The following SHC3 variants were observed in gnomAD, a reference collection of about 807,000 sequenced individuals.
SHC3 encodes SHC adaptor protein 3.
A neutral mutation model predicts 60.4 loss-of-function variants in SHC3; 15 were observed. That is an observed-to-expected ratio of 0.25 (90% CI 0.17 to 0.38). The LOEUF is 0.38. Among genes scored for constraint, SHC3 ranks in the 10% least tolerant of loss-of-function variants. The pLI is 1.00. For synonymous variants in SHC3, 294 were observed against 325.9 expected (o/e 0.90, Z 1.05); for missense variants, 677 against 786.1 (o/e 0.86, Z 1.66).
intron 2 of SHC3, among the ~76,000 whole-genome samples, chr9:89,092,791 T>A (rs145892888): frequency 6.6e-5 from 10 of 152,020 alleles, no homozygotes; most frequent in African/African-American, 1.9e-4. Context: ...CCAAAAAATC[T>A]GGAAAGCTAT....
At chr9:89,156,985 C>T (rs1826632231) in intron 1 of SHC3, among the ~76,000 whole-genome samples, 1 of 152,048 alleles carries the variant, frequency 6.6e-6, no homozygotes, top group Non-Finnish European at 1.5e-5. Context: ...TATGACCTTG[C>T]CTATAACTTA....
chr9:89,123,847 G>A (rs565946065), intron 1 of SHC3, among the ~76,000 whole-genome samples: 1 of 152,208 alleles, frequency 6.6e-6, no homozygotes, highest in East Asian at 1.9e-4. Flanking sequence ...TTTCCAAGAA[G>A]GGCCCATAAA....
chr9:89,056,118 C>T (rs1198385096), intron 6 of SHC3, among the ~76,000 whole-genome samples: 1 of 152,174 alleles, frequency 6.6e-6, no homozygotes, highest in African/African-American at 2.4e-5. Context: ...ATTTCTTAAT[C>T]ATCTTGAATG....
chr9:89,078,992 A>T (rs1587714707), intron 2 of SHC3, among the ~76,000 whole-genome samples: 2 of 152,354 alleles, frequency 1.3e-5, no homozygotes, highest in Middle Eastern at 6.8e-3. Flanking sequence ...TTGAAGAGAA[A>T]TATGTCCATA....
intron 2 of SHC3, among the ~76,000 whole-genome samples, chr9:89,107,988 T>C (rs1825888506): frequency 6.6e-6 from 1 of 152,210 alleles, no homozygotes; most frequent in African/African-American, 2.4e-5. Flanking sequence ...AGTATAATAG[T>C]GTATTTTCAC....
intron 1 of SHC3, among the ~76,000 whole-genome samples, chr9:89,150,257 AGAG>A (rs1466369453): frequency 2.6e-5 from 4 of 152,190 alleles, no homozygotes; most frequent in Non-Finnish European, 5.9e-5. Flanking sequence ...ACCAGGGATA[AGAG>A]GAGATTATTG....
intron 2 of SHC3, among the ~76,000 whole-genome samples, chr9:89,096,347 C>A (rs1321736207): frequency 6.6e-6 from 1 of 152,158 alleles, no homozygotes; most frequent in Non-Finnish European, 1.5e-5. Context: ...GAGATCTGTG[C>A]TTTGACTCAG....
chr9:89,163,273 T>C (rs1341150831), intron 1 of SHC3, among the ~76,000 whole-genome samples: 1 of 152,182 alleles, frequency 6.6e-6, no homozygotes, highest in Non-Finnish European at 1.5e-5. Flanking sequence ...TAAATCATGC[T>C]GCTATAAAGA....
At chr9:89,071,275 C>T (rs144792953) in intron 4 of SHC3, 23 bp from the exon 5 acceptor site, 1,049 of 1,613,690 alleles carry the variant, frequency 6.5e-4, no homozygotes, top group Non-Finnish European at 8.2e-4. Context: ...AAACAAGAAA[C>T]GAGATGTGCT....
rs150484020 is a variant in SHC3 at position 89,032,675 on chromosome 9, G to A, written c.1656+5318C>T. On this transcript the variant is annotated intron_variant, in intron 11 of 11. Coordinates refer to ENST00000375835, the MANE Select transcript of SHC3 (RefSeq NM_016848.6). ...GAACAGGGCTCAGAAGATGCCCCAC[G>A]CAGCTTCTCACCACGTTTCCAGTGA... 6.0e-3 allele frequency among the ~76,000 whole-genome samples: 913 copies of A among 152,178 alleles called. 5 individuals are homozygous for A. The highest frequency in any genetic ancestry group is 9.8e-3 in the Non-Finnish European group (666 of 68,014).
intron 1 of SHC3, among the ~76,000 whole-genome samples, chr9:89,152,378 G>A (rs990845579): frequency 6.6e-6 from 1 of 152,212 alleles, no homozygotes; most frequent in South Asian, 2.1e-4. Context: ...AGGACCATTT[G>A]AAATTCAAGC....
chr9:89,143,597 C>G (rs1221030492), intron 1 of SHC3, among the ~76,000 whole-genome samples: 1 of 152,124 alleles, frequency 6.6e-6, no homozygotes, highest in Non-Finnish European at 1.5e-5. Flanking sequence ...GGCAGAATTG[C>G]AGAAGCTTCC....
chr9:89,152,087 T>C (rs1341229208), intron 1 of SHC3, among the ~76,000 whole-genome samples: 1 of 152,262 alleles, frequency 6.6e-6, no homozygotes, highest in Non-Finnish European at 1.5e-5. Context: ...CTTCAGATTA[T>C]GTCAGGGGAA....
chr9:89,071,052 A>G, intron 5 of SHC3, 147 bp downstream of exon 5: 1 of 643,360 alleles, frequency 1.6e-6, no homozygotes, highest in Non-Finnish European at 2.6e-6. Flanking sequence ...ATGGCCAAGA[A>G]GATCTTCTAT....
At chr9:89,028,577 T>C (rs577367672) in intron 11 of SHC3, among the ~76,000 whole-genome samples, 56 of 147,460 alleles carry the variant, frequency 3.8e-4, no homozygotes, top group African/African-American at 1.4e-3. Context: ...GATATAGATA[T>C]ATATTACACA....
intron 1 of SHC3, among the ~76,000 whole-genome samples, chr9:89,113,860 G>C (rs367693240): frequency 2.6e-5 from 4 of 152,190 alleles, no homozygotes; most frequent in South Asian, 4.1e-4. Context: ...TGAATTCCAT[G>C]ACCAATGTCA....
intron 2 of SHC3, among the ~76,000 whole-genome samples, chr9:89,108,798 G>A (rs186877468): frequency 6.6e-5 from 10 of 152,198 alleles, no homozygotes; most frequent in East Asian, 1.9e-4. Flanking sequence ...TGAGAAAGTC[G>A]CCCTAACACT....
chr9:89,175,646 T>G (rs756908065), intron 1 of SHC3, among the ~76,000 whole-genome samples: 1 of 152,220 alleles, frequency 6.6e-6, no homozygotes, highest in African/African-American at 2.4e-5. Context: ...GGGGCTTTAT[T>G]TTTAATTTAG....
At chr9:89,068,292 G>C (rs11137501) in intron 5 of SHC3, among the ~76,000 whole-genome samples, 38,796 of 152,086 alleles carry the variant, frequency 0.26, 7,974 homozygotes, top group African/African-American at 0.58. Flanking sequence ...ACAGCATGCC[G>C]TTTTTAGAGA....
Sources: allele counts gnomAD v4.1 joint callset (sites outside exome capture counted in the v4.1 genomes callset), GRCh38; gene constraint gnomAD v4.1.1; transcripts MANE v1.5; gene names NCBI Gene and HGNC (gene_info 2026-07-23, HGNC 2026-07-21).